MREG: variants seen among roughly 807,000 people sequenced by gnomAD.
MREG encodes the protein dilute suppressor protein homolog.
MREG carries 31 observed loss-of-function variants against 28.5 expected under a neutral mutation model. That is an observed-to-expected ratio of 1.09 (90% CI 0.82 to 1.47). The LOEUF (loss-of-function observed/expected upper bound fraction) is 1.47, where lower values mean the gene tolerates loss of function less well. MREG is among the 40% of genes most tolerant of loss of function. The probability of loss-of-function intolerance (pLI) is 0.00; values close to 1 mark genes in which losing one functional copy is unlikely to be tolerated. For missense variants in MREG, 256 were observed against 257.4 expected (o/e 0.99, Z 0.04); for synonymous variants, 106 against 95.2 (o/e 1.11, Z -0.66).
upstream of MREG, among the ~76,000 whole-genome samples, chr2:216,015,152 TAC>T (rs1694422156): frequency 6.6e-6 from 1 of 151,918 alleles, no homozygotes; most frequent in African/African-American, 2.4e-5. Context: ...TGTGCGTGCG[TAC>T]GTGTGCGCGC....
upstream of MREG, among the ~76,000 whole-genome samples, chr2:216,016,448 G>A (rs1460939176): frequency 6.6e-6 from 1 of 152,182 alleles, no homozygotes; most frequent in East Asian, 1.9e-4. Context: ...TATTTGAGTT[G>A]GATTTGCTGA....
chr2:216,031,015 T>C (rs990918586), intron 1 of MREG, among the ~76,000 whole-genome samples: 3 of 151,978 alleles, frequency 2.0e-5, no homozygotes, highest in Non-Finnish European at 4.4e-5. Flanking sequence ...GCTCTCTCTC[T>C]CTCATTTGCT....
At chr2:216,010,354 C>CTCTCTT (rs1404098443) in intron 1 of MREG, among the ~76,000 whole-genome samples, 1 of 94,370 alleles carries the variant, frequency 1.1e-5, no homozygotes, top group Non-Finnish European at 2.0e-5. Context: ...AAAGATTTCT[C>CTCTCTT]TTTTTTTTTT....
intron 3 of MREG, 35 bp from the exon 4 acceptor site, chr2:215,945,769 G>A: frequency 6.3e-7 from 1 of 1,588,314 alleles, no homozygotes; most frequent in African/African-American, 1.3e-5. Flanking sequence ...ATGTAAAGTA[G>A]TCCCAAGTTA....
chr2:215,976,279 G>C (rs1467819874), intron 2 of MREG, among the ~76,000 whole-genome samples: 1 of 152,100 alleles, frequency 6.6e-6, no homozygotes, highest in Non-Finnish European at 1.5e-5. Context: ...TGTTGGTTCT[G>C]TCTGGGTATC....
chr2:215,995,012 T>C (rs1446239230), intron 2 of MREG, among the ~76,000 whole-genome samples: 1 of 152,198 alleles, frequency 6.6e-6, no homozygotes, highest in East Asian at 1.9e-4. Flanking sequence ...AAACCTTAAC[T>C]GGTTAATGTA....
chr2:215,945,899 G>C (rs1285358493), intron 3 of MREG, among the ~76,000 whole-genome samples, 165 bp from the exon 4 acceptor site: 2 of 152,192 alleles, frequency 1.3e-5, no homozygotes, highest in African/African-American at 4.8e-5. Flanking sequence ...CTGCCTCCCA[G>C]ATCCATGTGA....
intron 2 of MREG, among the ~76,000 whole-genome samples, chr2:215,950,473 G>T (rs1692453861): frequency 6.6e-6 from 1 of 152,188 alleles, no homozygotes; most frequent in African/African-American, 2.4e-5. Context: ...GATCTGCTAA[G>T]GATGGATCCA....
At chr2:216,021,198 A>C (rs1270270174) in intron 1 of MREG, among the ~76,000 whole-genome samples, 1 of 152,086 alleles carries the variant, frequency 6.6e-6, no homozygotes, top group African/African-American at 2.4e-5. Flanking sequence ...CCCAGGTTGG[A>C]GTGCAGTGAT....
chr2:215,944,085 T>C lies in MREG; in HGVS notation c.*778A>G, dbSNP rs1001256053. The C allele has an allele frequency of 1.4e-5, 2 of 142,160 alleles. No individual in the cohort carries two copies. The highest frequency in any genetic ancestry group is 3.0e-5 in the Non-Finnish European group (2 of 66,662). 8.8% of individuals were successfully genotyped at this position (142,160 alleles called of 1,614,324 possible). On this transcript the variant is annotated 3_prime_UTR_variant, in exon 5 of 5. Transcript: ENST00000263268. The stretch of plus-strand genomic sequence containing the variant: ...ACCTCCACTGCCCGGGCTCAAGCGA[T>C]TCTCCTACCTCAGCCTCCTGGGTAG...
At chr2:215,999,346 G>T (rs1693951939) in intron 1 of MREG, among the ~76,000 whole-genome samples, 1 of 152,162 alleles carries the variant, frequency 6.6e-6, no homozygotes, top group South Asian at 2.1e-4. Flanking sequence ...GCTTAGGAGG[G>T]TGTCACAATC....
intron 2 of MREG, among the ~76,000 whole-genome samples, chr2:215,971,050 A>G (rs1171743329): frequency 6.6e-6 from 1 of 151,472 alleles, no homozygotes; most frequent in Non-Finnish European, 1.5e-5. Context: ...AAAACCAAAC[A>G]CCACATGTTC....
intron 3 of MREG, among the ~76,000 whole-genome samples, chr2:215,946,507 G>A (rs1325812972): frequency 6.6e-6 from 1 of 152,108 alleles, no homozygotes; most frequent in Non-Finnish European, 1.5e-5. Flanking sequence ...CGGGAGAATT[G>A]AGAAAAATCA....
At chr2:215,946,336 A>T (rs1458579843) in intron 3 of MREG, among the ~76,000 whole-genome samples, 7 of 151,712 alleles carry the variant, frequency 4.6e-5, no homozygotes, top group African/African-American at 7.3e-5. Flanking sequence ...AGCCATAGAG[A>T]TCGGTCACAT....
chr2:215,994,126 A>C lies in MREG; in HGVS notation c.255+2180T>G. Among the ~76,000 whole-genome samples, 2 of 152,026 alleles carry C rather than the reference A, an allele frequency of 1.3e-5. 1 individual carries two copies. Among genetic ancestry groups the C allele is most frequent in the Non-Finnish European group, 2.9e-5 (2 of 68,040 alleles). Reference sequence around the variant, plus strand: ...GCACATGCACATGTATGTTTATCGCAACACTGTTCACAAAAGCAAAGATTT... The same window carrying C: ...GCACATGCACATGTATGTTTATCGCCACACTGTTCACAAAAGCAAAGATTT... On this transcript the variant is annotated intron_variant, in intron 2 of 4. Transcript: ENST00000263268.
At chr2:216,018,419 C>T (rs531989942), upstream of MREG, among the ~76,000 whole-genome samples, 1 of 152,284 alleles carries the variant, frequency 6.6e-6, no homozygotes, top group Non-Finnish European at 1.5e-5. Flanking sequence ...GAACAATGCA[C>T]GCACATAGTG....
At chr2:216,004,680 C>T (rs1342911458) in intron 1 of MREG, among the ~76,000 whole-genome samples, 1 of 152,156 alleles carries the variant, frequency 6.6e-6, no homozygotes, top group East Asian at 1.9e-4. Context: ...GAGTATGACT[C>T]TGTGTCTTCA....
At chr2:216,019,473 C>T (rs1053188428) in intron 1 of MREG, among the ~76,000 whole-genome samples, 1 of 151,904 alleles carries the variant, frequency 6.6e-6, no homozygotes, top group Admixed American at 6.6e-5. Context: ...TCTGTCGTTT[C>T]CCATAATGCA....
At chr2:216,030,670 GTAGCTGGGATTAT>G (rs1380613152) in intron 1 of MREG, among the ~76,000 whole-genome samples, 8 of 151,472 alleles carry the variant, frequency 5.3e-5, no homozygotes, top group Non-Finnish European at 1.0e-4. Flanking sequence ...AGCCTGCTAA[GTAGCTGGGATTAT>G]TAGCATGCAC....
Sources: allele counts gnomAD v4.1 joint callset (sites outside exome capture counted in the v4.1 genomes callset), GRCh38; gene constraint gnomAD v4.1.1; transcripts MANE v1.5; gene names NCBI Gene and HGNC (gene_info 2026-07-23, HGNC 2026-07-21).